Variants in MDGA2 observed in about 807,000 individuals in gnomAD.
MDGA2 encodes MAM domain-containing glycosylphosphatidylinositol anchor protein 2.
Under a neutral mutation model 117.8 loss-of-function variants are expected in MDGA2, and 40 were observed. The ratio of observed to expected loss-of-function variants is 0.34; its 90% CI spans 0.26 to 0.44. MDGA2 has a LOEUF of 0.44. Ranked by LOEUF, MDGA2 falls within the 20% of genes least tolerant of loss-of-function variation. The pLI, the probability that MDGA2 is intolerant of heterozygous loss-of-function variation, is 1.00. For synonymous variants in MDGA2, 452 were observed against 439.0 expected, an observed-to-expected ratio of 1.03 and a Z score of -0.37; for missense variants, 1,123 against 1,250.6, an observed-to-expected ratio of 0.90 and a Z score of 1.54.
At chr14:47,176,223 G>A (rs571360396) in intron 3 of MDGA2, among the ~76,000 whole-genome samples, 1 of 152,202 alleles carries the variant, frequency 6.6e-6, no homozygotes, top group South Asian at 2.1e-4. Flanking sequence ...TGGCCATACT[G>A]CCCAAGGTAA....
rs141817075 is a variant in MDGA2, at chr14:47,517,707, G to A, written c.280+156810C>T. Among the ~76,000 whole-genome samples the A allele has an allele frequency of 1.9e-3, 289 of 152,152 alleles. 1 individual carries two copies. Among genetic ancestry groups the A allele is most frequent in the Middle Eastern group, 3.4e-3 (1 of 294 alleles). On this transcript the variant is annotated intron_variant, in intron 1 of 16. Transcript: ENST00000399232. ...AGTTACCCACATATTTGTGCATAAGGCTAGAGTGAACTGACATTACTCAAA... is the reference window on the plus strand; with the variant it reads ...AGTTACCCACATATTTGTGCATAAGACTAGAGTGAACTGACATTACTCAAA...
At chr14:47,377,552 A>T (rs1282640917) in intron 1 of MDGA2, among the ~76,000 whole-genome samples, 1 of 152,102 alleles carries the variant, frequency 6.6e-6, no homozygotes, top group East Asian at 1.9e-4. Flanking sequence ...CAAACGGCAC[A>T]CCAGGAGATT....
intron 5 of MDGA2, among the ~76,000 whole-genome samples, chr14:47,112,235 T>A (rs1309628661): frequency 6.6e-6 from 1 of 152,202 alleles, no homozygotes; most frequent in Admixed American, 6.5e-5. Context: ...TATGCTTTTT[T>A]AAAAAATGTG....
intron 1 of MDGA2, among the ~76,000 whole-genome samples, chr14:47,364,093 G>C (rs1432704874): frequency 6.6e-6 from 1 of 151,884 alleles, no homozygotes; most frequent in African/African-American, 2.4e-5. Context: ...ATAGAATCTG[G>C]ACAGTCTCAA....
At chr14:47,498,646 T>C (rs538961584) in intron 1 of MDGA2, among the ~76,000 whole-genome samples, 5 of 152,176 alleles carry the variant, frequency 3.3e-5, no homozygotes, top group African/African-American at 9.6e-5. Context: ...AGGAAAAAAA[T>C]AATGGCATTA....
intron 3 of MDGA2, among the ~76,000 whole-genome samples, chr14:47,193,564 C>A (rs1442332475): frequency 6.6e-6 from 1 of 152,096 alleles, no homozygotes; most frequent in East Asian, 1.9e-4. Context: ...ATGGGGAAGT[C>A]ATGGTTCTCA....
chr14:47,039,838 T>C (rs1888997491), intron 7 of MDGA2, among the ~76,000 whole-genome samples: 1 of 152,132 alleles, frequency 6.6e-6, no homozygotes. Flanking sequence ...GTAAAACATG[T>C]TACTGTTCAG....
chr14:47,177,448 A>T (rs2139354454), intron 3 of MDGA2, among the ~76,000 whole-genome samples: 1 of 152,322 alleles, frequency 6.6e-6, no homozygotes, highest in Non-Finnish European at 1.5e-5. Flanking sequence ...TGGCACATAG[A>T]CACCATGGAA....
rs151259809 is a variant in MDGA2 at position 47,021,763 on chromosome 14, C to T, written c.1819+13248G>A. Among the ~76,000 whole-genome samples, 238 of 152,050 alleles carry T rather than the reference C, an allele frequency of 1.6e-3. 3 individuals carry two copies. Among genetic ancestry groups the T allele is most frequent in the African/African-American group, 5.4e-3 (224 of 41,500 alleles). On this transcript the variant is annotated intron_variant, in intron 8 of 16. Transcript: ENST00000399232. ...TTACTTAGAGACCATCATACTAAGCCCTTTATTTGCATAGAAAATTTGATG... is the reference window on the plus strand; with the variant it reads ...TTACTTAGAGACCATCATACTAAGCTCTTTATTTGCATAGAAAATTTGATG...
chr14:47,276,361 T>C (rs1888311558), intron 2 of MDGA2, among the ~76,000 whole-genome samples: 1 of 152,134 alleles, frequency 6.6e-6, no homozygotes, highest in South Asian at 2.1e-4. Flanking sequence ...AGATTACTTA[T>C]CAGAAAGGAA....
intron 14 of MDGA2, among the ~76,000 whole-genome samples, chr14:46,861,730 G>A (rs1388837287): frequency 6.6e-6 from 1 of 151,862 alleles, no homozygotes; most frequent in Non-Finnish European, 1.5e-5. Flanking sequence ...GTCAGTGAAT[G>A]CAAACTACTT....
intron 1 of MDGA2, among the ~76,000 whole-genome samples, chr14:47,323,349 G>A (rs1197888534): frequency 6.6e-6 from 1 of 151,888 alleles, no homozygotes; most frequent in Non-Finnish European, 1.5e-5. Context: ...AAACAGTCCA[G>A]GTGCAGTGGC....
At chr14:47,407,168 G>T (rs1041760333) in intron 1 of MDGA2, among the ~76,000 whole-genome samples, 8 of 151,946 alleles carry the variant, frequency 5.3e-5, no homozygotes, top group Admixed American at 4.6e-4. Context: ...TGCATTATAG[G>T]CTAAAACCTA....
At chr14:47,374,175 A>T in intron 1 of MDGA2, among the ~76,000 whole-genome samples, 1 of 152,144 alleles carries the variant, frequency 6.6e-6, no homozygotes, top group East Asian at 1.9e-4. Context: ...ATGTAGTTTA[A>T]ATATAATACA....
chr14:46,892,655 C>A (rs1203438235), intron 10 of MDGA2, among the ~76,000 whole-genome samples: 1 of 151,652 alleles, frequency 6.6e-6, no homozygotes, highest in Non-Finnish European at 1.5e-5. Flanking sequence ...TGCAACTCGA[C>A]AGCAAAAAAA....
chr14:46,873,335 T>G, intron 14 of MDGA2, 98 bp downstream of exon 14: 1 of 1,135,030 alleles, frequency 8.8e-7, no homozygotes, highest in Non-Finnish European at 1.2e-6. Flanking sequence ...ATTATAGCAT[T>G]CTTTGACCAA....
chr14:46,867,486 T>C (rs1383015225), intron 14 of MDGA2, among the ~76,000 whole-genome samples: 1 of 152,088 alleles, frequency 6.6e-6, no homozygotes, highest in Non-Finnish European at 1.5e-5. Flanking sequence ...GGCACATGTA[T>C]ACATATGTAA....
chr14:47,627,291 A>G (rs1897164557), intron 1 of MDGA2, among the ~76,000 whole-genome samples: 1 of 149,454 alleles, frequency 6.7e-6, no homozygotes, highest in Non-Finnish European at 1.5e-5. Context: ...TAGCTAAGGG[A>G]TTGTGAATGC....
At chr14:47,281,999 G>A (rs1182123914) in intron 2 of MDGA2, among the ~76,000 whole-genome samples, 1 of 147,950 alleles carries the variant, frequency 6.8e-6, no homozygotes, top group Non-Finnish European at 1.5e-5. Flanking sequence ...AGGTTGCAGA[G>A]CCAAGATCGC....
Sources: allele counts gnomAD v4.1 joint callset (sites outside exome capture counted in the v4.1 genomes callset), GRCh38; gene constraint gnomAD v4.1.1; transcripts MANE v1.5; gene names NCBI Gene and HGNC (gene_info 2026-07-23, HGNC 2026-07-21).